The following SGCZ variants were observed in gnomAD, a reference collection of about 807,000 sequenced individuals.
The protein encoded by SGCZ is zeta-sarcoglycan.
In SGCZ, 40 loss-of-function variants were observed where a neutral mutation model predicts 41.3. That is an observed-to-expected ratio of 0.97 (90% confidence interval 0.75 to 1.26). The LOEUF (loss-of-function observed/expected upper bound fraction) is 1.26. Among genes scored for constraint, SGCZ ranks in the 50% most tolerant of loss-of-function variants. The pLI, the probability that SGCZ is intolerant of heterozygous loss-of-function variation, is 0.00. For synonymous variants in SGCZ, 206 were observed against 137.5 expected (o/e 1.50, Z -3.49); for missense variants, 552 against 369.8 (o/e 1.49, Z -4.04).
At chr8:14,279,177 C>G (rs1169075795) in intron 3 of SGCZ, among the ~76,000 whole-genome samples, 1 of 151,658 alleles carries the variant, frequency 6.6e-6, no homozygotes, top group East Asian at 1.9e-4. Context: ...CTCAATAGGT[C>G]CCTGAGGAGC....
intron 5 of SGCZ, among the ~76,000 whole-genome samples, chr8:14,145,825 T>C (rs1803505262): frequency 6.6e-6 from 1 of 151,664 alleles, no homozygotes; most frequent in Non-Finnish European, 1.5e-5. Context: ...CACATTAGAG[T>C]TCTTTAATGG....
At chr8:14,616,473 A>T (rs28678479) in intron 1 of SGCZ, among the ~76,000 whole-genome samples, 1 of 152,088 alleles carries the variant, frequency 6.6e-6, no homozygotes, top group Non-Finnish European at 1.5e-5. Context: ...CAGTAAAAAA[A>T]TGTTATTTTT....
intron 2 of SGCZ, among the ~76,000 whole-genome samples, chr8:14,491,848 T>C (rs1156880356): frequency 8.8e-6 from 1 of 113,680 alleles, no homozygotes; most frequent in African/African-American, 3.4e-5. Flanking sequence ...ATTTAAATTT[T>C]GACCCATTAG....
rs17119632 is a variant in SGCZ, at chr8:14,525,850, A to G, written c.234+28882T>C. On this transcript the variant is annotated intron_variant, in intron 2 of 7. Coordinates refer to ENST00000382080, the MANE Select transcript of SGCZ (RefSeq NM_139167.4). ...ACACAGTGCACTGCAGAAACTAGAC[A>G]TGCAGTCCTGGGGCATCATTATTCA... is the stretch of plus-strand genomic sequence containing the variant. Among the ~76,000 whole-genome samples, 7 of 151,460 alleles carry G rather than the reference A, an allele frequency of 4.6e-5. No individual in the cohort carries two copies. In the South Asian group the frequency reaches 1.2e-3, roughly 27 times the overall value.
intron 1 of SGCZ, among the ~76,000 whole-genome samples, chr8:15,134,167 C>A (rs1191330422): frequency 6.6e-6 from 1 of 152,072 alleles, no homozygotes; most frequent in Non-Finnish European, 1.5e-5. Context: ...CTTTACACTA[C>A]CTTTCCCTTT....
chr8:14,348,151 T>A (rs1176260166), intron 2 of SGCZ, among the ~76,000 whole-genome samples: 2 of 152,032 alleles, frequency 1.3e-5, no homozygotes, highest in Admixed American at 1.3e-4. Context: ...TGGTATCAAT[T>A]CACACCCCAG....
At chr8:15,089,802 A>T (rs1013290052) in intron 1 of SGCZ, among the ~76,000 whole-genome samples, 2 of 152,140 alleles carry the variant, frequency 1.3e-5, no homozygotes, top group Admixed American at 1.3e-4. Context: ...GGTGTGGATC[A>T]TATTGTTTCA....
At chr8:14,197,015 T>A (rs1429668673) in intron 4 of SGCZ, among the ~76,000 whole-genome samples, 1 of 152,092 alleles carries the variant, frequency 6.6e-6, no homozygotes, top group Non-Finnish European at 1.5e-5. Flanking sequence ...CAGAAATGAT[T>A]CAAAATTGGA....
intron 3 of SGCZ, among the ~76,000 whole-genome samples, chr8:14,251,221 C>G (rs746516705): frequency 2.6e-5 from 4 of 152,012 alleles, no homozygotes; most frequent in Non-Finnish European, 4.4e-5. Context: ...GAGCGAGACT[C>G]TATCTCAAAA....
At chr8:15,150,460 C>A (rs778939711) in intron 1 of SGCZ, among the ~76,000 whole-genome samples, 2 of 152,180 alleles carry the variant, frequency 1.3e-5, no homozygotes, top group Non-Finnish European at 2.9e-5. Flanking sequence ...GGTAAAGCCA[C>A]GTGATTCACT....
At chr8:15,223,038 A>C (rs879431331) in intron 1 of SGCZ, among the ~76,000 whole-genome samples, 6 of 152,198 alleles carry the variant, frequency 3.9e-5, no homozygotes, top group Non-Finnish European at 7.3e-5. Flanking sequence ...ATATTTTTCC[A>C]GATGGTAAGG....
At chr8:14,982,353 G>A (rs1361412329) in intron 1 of SGCZ, among the ~76,000 whole-genome samples, 1 of 152,070 alleles carries the variant, frequency 6.6e-6, no homozygotes, top group South Asian at 2.1e-4. Flanking sequence ...TTTATGATTC[G>A]TTCGTTGTGT....
intron 1 of SGCZ, among the ~76,000 whole-genome samples, chr8:14,880,816 T>G (rs1804558575): frequency 6.6e-6 from 1 of 151,728 alleles, no homozygotes. Flanking sequence ...GGTCAGGGGA[T>G]GGGGGTGGGA....
chr8:14,142,398 G>C (rs1772825611), intron 5 of SGCZ, among the ~76,000 whole-genome samples: 1 of 152,058 alleles, frequency 6.6e-6, no homozygotes. Context: ...GGAACAGGAG[G>C]GGAGCTGGGC....
chr8:15,127,261 A>C (rs151051989), intron 1 of SGCZ, among the ~76,000 whole-genome samples: 3 of 55,366 alleles, frequency 5.4e-5, no homozygotes, highest in African/African-American at 2.1e-4. Context: ...CACACAAACA[A>C]ACACACACAC....
intron 2 of SGCZ, among the ~76,000 whole-genome samples, chr8:14,328,027 C>T (rs1429794987): frequency 6.6e-6 from 1 of 152,140 alleles, no homozygotes; most frequent in Non-Finnish European, 1.5e-5. Flanking sequence ...TAAATCTAAT[C>T]GCACTTCACT....
At chr8:14,994,410 C>G (rs1281598795) in intron 1 of SGCZ, among the ~76,000 whole-genome samples, 1 of 152,092 alleles carries the variant, frequency 6.6e-6, no homozygotes, top group Non-Finnish European at 1.5e-5. Flanking sequence ...ACGGTGAAAC[C>G]CTGTCTCTAC....
Position 14,934,676 on chromosome 8 carries a change from A to G in SGCZ, c.39+302909T>C, listed in dbSNP as rs75749589. 2.5e-3 allele frequency among the ~76,000 whole-genome samples: 377 copies of G among 151,958 alleles called. 3 individuals are homozygous for G. Among genetic ancestry groups the G allele is most frequent in the Non-Finnish European group, 4.6e-3 (310 of 67,900 alleles). ...CAGAATGAGGGAAAAACAAAATGTT[A>G]AGGGATAATAATAAAGGATAATTTT... On this transcript the variant is annotated intron_variant, in intron 1 of 7. Transcript: ENST00000382080.
At chr8:15,058,991 A>G (rs1009622812) in intron 1 of SGCZ, among the ~76,000 whole-genome samples, 1 of 152,132 alleles carries the variant, frequency 6.6e-6, no homozygotes, top group African/African-American at 2.4e-5. Context: ...CTTATCTAAA[A>G]TGTCTCTCTG....
Sources: gnomAD v4.1 joint callset for allele counts (sites outside exome capture counted in the v4.1 genomes callset) on GRCh38, gnomAD v4.1.1 for gene constraint, MANE v1.5 for transcripts, NCBI Gene and HGNC (gene_info 2026-07-23, HGNC 2026-07-21) for gene names.